Variants in ZNF468 observed in about 807,000 individuals in gnomAD.
ZNF468 encodes zinc finger protein 468.
Under a neutral mutation model 7.2 loss-of-function variants are expected in ZNF468, and 8 were observed. The observed-to-expected ratio is 1.11, with a 90% CI of 0.65 to 2.01. ZNF468 has a LOEUF of 2.01. Among genes scored for constraint, ZNF468 ranks in the 30% most tolerant of loss-of-function variants. The pLI is 0.00. For missense variants in ZNF468, 608 were observed against 626.5 expected, an observed-to-expected ratio of 0.97 and a Z score of 0.31; for synonymous variants, 218 against 214.4, an observed-to-expected ratio of 1.02 and a Z score of -0.15.
intron 2 of ZNF468, 193 bp from the exon 3 acceptor site, chr19:52,849,406 A>C: frequency 9.1e-7 from 1 of 1,104,664 alleles, no homozygotes; most frequent in Non-Finnish European, 1.2e-6. Flanking sequence ...TTATCAAGAC[A>C]TACTCTCAGT....
chr19:52,841,758 C>T lies in ZNF468; in HGVS notation c.536G>A (p.Arg179Lys). The T allele has an allele frequency of 1.1e-5, 18 of 1,614,066 alleles. No homozygotes were observed. The highest frequency in any genetic ancestry group is 1.4e-5 in the Non-Finnish European group (17 of 1,180,004). ...NNASSVSTSQRICCRPKTHIS... is the reference protein window; with the variant it reads ...NNASSVSTSQKICCRPKTHIS... ...ATGGGTTTTGGGCCTACAACAAATT[C>T]TTTGGGATGTTGAAACTGAGGAAGC... The change falls in exon 4 of 4, where the codon AGA becomes AAA. Residue 179 changes from arginine (R) to lysine (K), a missense_variant. Physicochemically the swap from Arg to Lys is conservative, Grantham distance 26. Transcript: ENST00000595646.
chr19:52,842,814 CAAAAAAAAAA>C (rs60067060), intron 3 of ZNF468, among the ~76,000 whole-genome samples: 1 of 52,930 alleles, frequency 1.9e-5, no homozygotes, highest in Admixed American at 2.9e-4. Flanking sequence ...GACTCCATCT[CAAAAAAAAAA>C]AAAAAAAAAA....
Position 52,839,679 on chromosome 19 carries a change from G to A in ZNF468, c.*1046C>T, listed in dbSNP as rs550806747. The A allele has an allele frequency of 6.1e-5, 33 of 544,122 alleles. No homozygotes were observed. Among genetic ancestry groups the A allele is most frequent in the African/African-American group, 5.0e-4 (26 of 52,408 alleles). The allele number at this position is 544,122 out of a possible 1,614,324, so 33.7% of individuals were successfully genotyped here. ...AATGAGGTGTGAATGTGAAGTAAACGCTTTGCCACAATCATCACACTTGTG... is the reference window on the plus strand; with the variant it reads ...AATGAGGTGTGAATGTGAAGTAAACACTTTGCCACAATCATCACACTTGTG... On this transcript the variant is annotated 3_prime_UTR_variant, in exon 4 of 4. Transcript: ENST00000595646.
chr19:52,840,106 C>T lies in ZNF468; in HGVS notation c.*619G>A, dbSNP rs2063282112. The T allele has an allele frequency of 1.5e-6, 1 of 672,302 alleles. No homozygotes were observed. The highest frequency in any genetic ancestry group is 1.9e-5 in the African/African-American group (1 of 53,420). The allele number at this position is 672,302 out of a possible 1,614,324, so 41.6% of individuals were successfully genotyped here. On this transcript the variant is annotated 3_prime_UTR_variant, in exon 4 of 4. Coordinates refer to ENST00000595646, the MANE Select transcript of ZNF468 (RefSeq NM_001008801.2). ...TGAATCATTCCCGAAAGCCTTGTCA[C>T]AAACCTTACATTTCTATGGCTTTTC...
intron 1 of ZNF468, among the ~76,000 whole-genome samples, chr19:52,854,709 T>A (rs900510082): frequency 6.6e-6 from 1 of 152,036 alleles, no homozygotes; most frequent in Non-Finnish European, 1.5e-5. Flanking sequence ...GCCAACATGG[T>A]GAAAGCCTGT....
At chr19:52,843,452 C>T (rs1216509442) in intron 3 of ZNF468, among the ~76,000 whole-genome samples, 1 of 151,986 alleles carries the variant, frequency 6.6e-6, no homozygotes, top group Non-Finnish European at 1.5e-5. Flanking sequence ...AGGCTGGTCT[C>T]GAACTCCTGA....
Position 52,840,318 on chromosome 19 carries a change from T to A in ZNF468, c.*407A>T. 4.7e-6 allele frequency: 2 copies of A among 424,250 alleles called. No individual in the cohort carries two copies. Among genetic ancestry groups the A allele is most frequent in the South Asian group, 2.1e-5 (1 of 46,926 alleles). 26.3% of individuals were successfully genotyped at this position (424,250 alleles called of 1,614,324 possible). ...TTTCTCTCCACTATGAATTACAAGG[T>A]GTGAATTTTGACCTTTTAATTACAA... On this transcript the variant is annotated 3_prime_UTR_variant, in exon 4 of 4. Coordinates refer to ENST00000595646, the MANE Select transcript of ZNF468 (RefSeq NM_001008801.2).
intron 3 of ZNF468, among the ~76,000 whole-genome samples, chr19:52,845,982 G>T (rs930964557): frequency 1.3e-5 from 2 of 151,994 alleles, no homozygotes; most frequent in African/African-American, 4.8e-5. Flanking sequence ...CAGCCTGGGT[G>T]ACAAGAACAA....
chr19:52,849,888 G>A lies in ZNF468; in HGVS notation c.16-675C>T, dbSNP rs58424417. ...AGGGCACTCAAGCCTGGGCAACAAA[G>A]CAAGACCCCGTCTCAAAATAAAATA... is the stretch of plus-strand genomic sequence containing the variant. On this transcript the variant is annotated intron_variant, in intron 2 of 3. Coordinates refer to ENST00000595646, the MANE Select transcript of ZNF468 (RefSeq NM_001008801.2). Among the ~76,000 whole-genome samples, 11 of 152,092 alleles carry A rather than the reference G, an allele frequency of 7.2e-5. 1 individual carries two copies. In the East Asian group the frequency reaches 2.1e-3, roughly 29 times the overall value.
At chr19:52,854,227 A>T (rs753579724) in intron 2 of ZNF468, 31 bp downstream of exon 2, 18 of 1,613,636 alleles carry the variant, frequency 1.1e-5, no homozygotes, top group Non-Finnish European at 1.5e-5. Flanking sequence ...AAGGAAGGAG[A>T]CAGAACAATC....
chr19:52,845,291 A>G (rs2063333891), intron 3 of ZNF468: 1 of 152,000 alleles, frequency 6.6e-6, no homozygotes, highest in South Asian at 2.1e-4. Flanking sequence ...ATGACAGACC[A>G]AAACTCTGTC....
chr19:52,853,168 A>G (rs2063404840), intron 2 of ZNF468, among the ~76,000 whole-genome samples: 2 of 152,006 alleles, frequency 1.3e-5, no homozygotes, highest in Admixed American at 1.3e-4. Flanking sequence ...AATTTTTTTT[A>G]AAGTCTCATA....
chr19:52,847,288 T>C (rs1382062681), intron 3 of ZNF468, among the ~76,000 whole-genome samples: 1 of 151,920 alleles, frequency 6.6e-6, no homozygotes, highest in Non-Finnish European at 1.5e-5. Flanking sequence ...GGCAGTATGC[T>C]TGGTAAAAGT....
intron 3 of ZNF468, among the ~76,000 whole-genome samples, chr19:52,847,395 C>T (rs2063349136): frequency 1.4e-5 from 2 of 147,972 alleles, no homozygotes; most frequent in East Asian, 2.0e-4. Flanking sequence ...GTCCAAGTTT[C>T]CCCCCACTGA....
At position 52,841,490 on chromosome 19, in the gene ZNF468, C is replaced by T. The variant is rs1208703517; in HGVS notation, c.804G>A (p.Glu268=). The change falls in exon 4 of 4, where the codon GAG becomes GAA. Residue 268 remains glutamate (E), a synonymous_variant. Transcript: ENST00000595646. The part of the protein sequence containing the change: ...LACHRRCHTG[E]KPYKCNECGK... ...CACACTCATTACACTTGTAAGGTTTCTCACCAGTGTGACATCTACGATGGC... is the reference window on the plus strand; with the variant it reads ...CACACTCATTACACTTGTAAGGTTTTTCACCAGTGTGACATCTACGATGGC... The T allele has an allele frequency of 1.9e-6, 3 of 1,614,170 alleles. No individual in the cohort carries two copies. The highest frequency in any genetic ancestry group is 2.5e-6 in the Non-Finnish European group (3 of 1,180,032).
chr19:52,853,369 G>A (rs1664094297), intron 2 of ZNF468, among the ~76,000 whole-genome samples: 1 of 152,066 alleles, frequency 6.6e-6, no homozygotes, highest in Non-Finnish European at 1.5e-5. Flanking sequence ...TCATGTGATG[G>A]TGAAATATAA....
chr19:52,848,573 CAG>C (rs2063358408), intron 3 of ZNF468, among the ~76,000 whole-genome samples: 1 of 152,080 alleles, frequency 6.6e-6, no homozygotes, highest in African/African-American at 2.4e-5. Context: ...TTTTTTGAGA[CAG>C]AGTCTTGCTC....
Position 52,839,880 on chromosome 19 carries a change from TTCACTG to T in ZNF468, c.*839_*844del. ...ACATTTATTACACTTGTAAGATCTC[TTCACTG>T]TGGATTCTCCAATGATGTGCAATGG... is the stretch of plus-strand genomic sequence containing the variant. On this transcript the variant is annotated 3_prime_UTR_variant, in exon 4 of 4. Coordinates refer to ENST00000595646, the MANE Select transcript of ZNF468 (RefSeq NM_001008801.2). 1.3e-6 allele frequency: 1 copy of T among 765,212 alleles called. No homozygotes were observed. The allele number at this position is 765,212 out of a possible 1,614,324, so 47.4% of individuals were successfully genotyped here. A position where few individuals can be genotyped will look rare whatever the true frequency, so the allele number is the denominator to read the frequency against.
chr19:52,847,006 AAAG>A (rs1270535258), intron 3 of ZNF468, among the ~76,000 whole-genome samples: 3 of 109,678 alleles, frequency 2.7e-5, no homozygotes, highest in South Asian at 3.0e-4. Flanking sequence ...GTCATAAAAA[AAAG>A]AAAGAAAGAA....
Sources: allele counts gnomAD v4.1 joint callset (sites outside exome capture counted in the v4.1 genomes callset), GRCh38; gene constraint gnomAD v4.1.1; transcripts MANE v1.5; gene names NCBI Gene and HGNC (gene_info 2026-07-23, HGNC 2026-07-21).